The following TACR3 variants were observed in gnomAD, a reference collection of about 807,000 sequenced individuals.
TACR3 encodes neuromedin-K receptor.
Under a neutral mutation model 35.0 loss-of-function variants are expected in TACR3, and 34 were observed. The observed-to-expected ratio is 0.97, with a 90% CI of 0.74 to 1.30. The LOEUF (loss-of-function observed/expected upper bound fraction) is 1.30, where lower values mean the gene tolerates loss of function less well. TACR3 is among the 50% of genes most tolerant of loss of function. The pLI, the probability that TACR3 is intolerant of heterozygous loss-of-function variation, is 0.00. For missense variants in TACR3, 558 were observed against 591.7 expected, an observed-to-expected ratio of 0.94 and a Z score of 0.59; for synonymous variants, 233 against 221.1, an observed-to-expected ratio of 1.05 and a Z score of -0.48.
At position 103,719,821 on chromosome 4, in the gene TACR3, G is replaced by T. The variant is rs988765042; in HGVS notation, c.-146C>A. The T allele has an allele frequency of 4.3e-5, 46 of 1,066,218 alleles. No homozygotes were observed. Among genetic ancestry groups the T allele is most frequent in the Non-Finnish European group, 5.6e-5 (41 of 734,926 alleles). 66.0% of individuals were successfully genotyped at this position (1,066,218 alleles called of 1,614,324 possible). ...GAAGCTGAAAGATACTGCAATCCCTGCTGGTTAGGGGATGCAGCTGGGGCT... is the reference window on the plus strand; with the variant it reads ...GAAGCTGAAAGATACTGCAATCCCTTCTGGTTAGGGGATGCAGCTGGGGCT... On this transcript the variant is annotated 5_prime_UTR_variant, in exon 1 of 5. Coordinates refer to ENST00000304883, the MANE Select transcript of TACR3 (RefSeq NM_001059.3).
chr4:103,645,259 G>T (rs1725433963), intron 3 of TACR3, among the ~76,000 whole-genome samples: 3 of 151,894 alleles, frequency 2.0e-5, no homozygotes, highest in Admixed American at 2.0e-4. Flanking sequence ...GTAAGCAGAA[G>T]TTCAGATTAA....
chr4:103,598,457 C>G (rs1055516453), intron 3 of TACR3, among the ~76,000 whole-genome samples: 1 of 152,040 alleles, frequency 6.6e-6, no homozygotes, highest in African/African-American at 2.4e-5. Context: ...CTTTAGATTA[C>G]TTAGATCCCA....
chr4:103,676,524 A>T (rs1480637592), intron 1 of TACR3, among the ~76,000 whole-genome samples: 1 of 152,168 alleles, frequency 6.6e-6, no homozygotes, highest in African/African-American at 2.4e-5. Context: ...TAGTGTGTTA[A>T]AAGTGGTTCT....
chr4:103,656,299 G>A lies in TACR3; in HGVS notation c.783C>T (p.Leu261=), dbSNP rs1171933341. ...VIILVYCFPL[L]IMGITYTIVG... ...CAATGGTGTATGTAATACCCATGAT[G>A]AGCAATGGGAAACAGTACACCAGTA... The change falls in exon 3 of 5, where the codon CTC becomes CTT. Residue 261 remains leucine, a synonymous_variant. Coordinates refer to ENST00000304883, the MANE Select transcript of TACR3 (RefSeq NM_001059.3). 2.5e-6 allele frequency: 4 copies of A among 1,612,620 alleles called. No individual in the cohort carries two copies. Among genetic ancestry groups the A allele is most frequent in the Middle Eastern group, 1.7e-4 (1 of 6,054 alleles).
At chr4:103,616,704 C>T (rs767295803) in intron 3 of TACR3, among the ~76,000 whole-genome samples, 3 of 152,086 alleles carry the variant, frequency 2.0e-5, no homozygotes, top group East Asian at 1.9e-4. Context: ...TTCAGACCTT[C>T]GGGAGGTCAA....
At chr4:103,611,865 GC>G (rs1724519763) in intron 3 of TACR3, among the ~76,000 whole-genome samples, 1 of 151,980 alleles carries the variant, frequency 6.6e-6, no homozygotes, top group Non-Finnish European at 1.5e-5. Context: ...CATTTTCACT[GC>G]CCCATTCAAT....
In TACR3 at chr4:103,688,854, A is replaced by T. The variant is rs542251909; in HGVS notation, c.548+30274T>A. ...AAGGCAGTGTGGCGATTCCTCAGGGATCTAGAACTAGAAATACCATTTGAC... is the reference window on the plus strand; with the variant it reads ...AAGGCAGTGTGGCGATTCCTCAGGGTTCTAGAACTAGAAATACCATTTGAC... On this transcript the variant is annotated intron_variant, in intron 1 of 4. Transcript: ENST00000304883. Among the ~76,000 whole-genome samples, 700 of 152,272 alleles carry T rather than the reference A, an allele frequency of 4.6e-3. 8 individuals carry two copies. Among genetic ancestry groups the T allele is most frequent in the African/African-American group, 0.016 (658 of 41,546 alleles).
intron 1 of TACR3, among the ~76,000 whole-genome samples, chr4:103,715,204 C>T (rs1328913377): frequency 6.6e-6 from 1 of 152,080 alleles, no homozygotes; most frequent in African/African-American, 2.4e-5. Context: ...AATCTCATGT[C>T]GAATTGTAAT....
At chr4:103,674,315 G>GTT (rs372315536) in intron 1 of TACR3, among the ~76,000 whole-genome samples, 1 of 144,298 alleles carries the variant, frequency 6.9e-6, no homozygotes, top group Non-Finnish European at 1.5e-5. Context: ...ATGTTTTTCT[G>GTT]TTTTTTTTTT....
intron 3 of TACR3, among the ~76,000 whole-genome samples, chr4:103,597,128 G>T (rs1188621376): frequency 2.0e-5 from 3 of 146,370 alleles, no homozygotes; most frequent in African/African-American, 5.0e-5. Context: ...GTAATGGGAA[G>T]GCTGGGTCAA....
intron 3 of TACR3, among the ~76,000 whole-genome samples, chr4:103,598,083 T>C (rs547641934): frequency 4.6e-5 from 7 of 152,284 alleles, no homozygotes; most frequent in Non-Finnish European, 1.0e-4. Context: ...TGTAAAAGTG[T>C]TCCTATTTCT....
intron 3 of TACR3, among the ~76,000 whole-genome samples, chr4:103,635,252 A>G (rs114287920): frequency 0.015 from 2,241 of 152,014 alleles, 57 homozygotes; most frequent in African/African-American, 0.052. Flanking sequence ...CAAAGTGCAT[A>G]TATTTTTTCT....
chr4:103,660,107 A>C (rs28695808), intron 1 of TACR3, among the ~76,000 whole-genome samples: 62,020 of 151,582 alleles, frequency 0.41, 14,613 homozygotes, highest in African/African-American at 0.66. Context: ...ATGTTTATAA[A>C]TCTTTGTTGT....
intron 1 of TACR3, among the ~76,000 whole-genome samples, chr4:103,694,832 G>T (rs1207513215): frequency 6.6e-6 from 1 of 152,026 alleles, no homozygotes; most frequent in Non-Finnish European, 1.5e-5. Flanking sequence ...AGAGACATTT[G>T]ATAATGATGA....
At chr4:103,643,428 AAAG>A (rs1725398183) in intron 3 of TACR3, among the ~76,000 whole-genome samples, 1 of 122,320 alleles carries the variant, frequency 8.2e-6, no homozygotes, top group Admixed American at 7.6e-5. Context: ...TGTCTAAAAA[AAAG>A]AGAGAGAGAG....
At chr4:103,696,165 AT>A (rs957747172) in intron 1 of TACR3, among the ~76,000 whole-genome samples, 3 of 151,486 alleles carry the variant, frequency 2.0e-5, no homozygotes, top group Non-Finnish European at 2.9e-5. Context: ...TTAGGCTGTG[AT>A]TTTTTTTTAC....
At chr4:103,669,951 T>C (rs1726019532) in intron 1 of TACR3, among the ~76,000 whole-genome samples, 1 of 152,070 alleles carries the variant, frequency 6.6e-6, no homozygotes, top group African/African-American at 2.4e-5. Context: ...ATAATTTAGG[T>C]CTTACATATA....
At chr4:103,625,976 T>C (rs1254703467) in intron 3 of TACR3, among the ~76,000 whole-genome samples, 1 of 152,172 alleles carries the variant, frequency 6.6e-6, no homozygotes, top group Non-Finnish European at 1.5e-5. Context: ...ATGGAGCCTT[T>C]TACAAGCCAA....
At chr4:103,689,819 C>T (rs867315975) in intron 1 of TACR3, among the ~76,000 whole-genome samples, 3 of 152,038 alleles carry the variant, frequency 2.0e-5, no homozygotes, top group Admixed American at 6.6e-5. Context: ...TGATGAAGCA[C>T]ATTAATCCAC....
Sources: gnomAD v4.1 joint callset for allele counts (sites outside exome capture counted in the v4.1 genomes callset) on GRCh38, gnomAD v4.1.1 for gene constraint, MANE v1.5 for transcripts, NCBI Gene and HGNC (gene_info 2026-07-23, HGNC 2026-07-21) for gene names.